The following SDK1 variants were observed in gnomAD, a reference collection of about 807,000 sequenced individuals.
The protein encoded by SDK1 is sidekick cell adhesion molecule 1, also known as protein sidekick-1.
A neutral mutation model predicts 245.5 loss-of-function variants in SDK1; 157 were observed. The ratio of observed to expected loss-of-function variants is 0.64; its 90% CI spans 0.56 to 0.73. The LOEUF is 0.73. SDK1 is among the 30% of genes least tolerant of loss of function. SDK1 has a pLI of 0.00. For synonymous variants in SDK1, 1,647 were observed against 1,278.5 expected (o/e 1.29, Z -6.15); for missense variants, 3,583 against 3,002.3 (o/e 1.19, Z -4.52).
At chr7:4,234,699 CT>C (rs1025170821) in intron 41 of SDK1, among the ~76,000 whole-genome samples, 2 of 152,198 alleles carry the variant, frequency 1.3e-5, no homozygotes, top group Non-Finnish European at 2.9e-5. Context: ...TCGCTGGCCC[CT>C]CACCCCAGAC....
chr7:4,114,358 T>C, intron 25 of SDK1, 84 bp downstream of exon 25: 1 of 1,093,108 alleles, frequency 9.1e-7, no homozygotes, highest in Non-Finnish European at 1.3e-6. Flanking sequence ...CCCAGGCTAG[T>C]GGCGTCTCAT....
chr7:3,412,568 GC>G, intron 1 of SDK1, among the ~76,000 whole-genome samples: 1 of 152,206 alleles, frequency 6.6e-6, no homozygotes, highest in East Asian at 1.9e-4. Context: ...GCAGAGTGCT[GC>G]AAAGTGAGCA....
At chr7:3,576,516 G>C (rs890322892) in intron 1 of SDK1, among the ~76,000 whole-genome samples, 5 of 152,084 alleles carry the variant, frequency 3.3e-5, no homozygotes, top group African/African-American at 7.2e-5. Context: ...TTTGCCTTTT[G>C]AGGAACTGAT....
At chr7:3,391,725 T>C (rs1781761482) in intron 1 of SDK1, among the ~76,000 whole-genome samples, 1 of 150,596 alleles carries the variant, frequency 6.6e-6, no homozygotes, top group South Asian at 2.1e-4. Flanking sequence ...CAACCTCCGC[T>C]TGCCAGGTTT....
At chr7:3,374,024 G>T (rs771235134) in intron 1 of SDK1, among the ~76,000 whole-genome samples, 1 of 152,110 alleles carries the variant, frequency 6.6e-6, no homozygotes, top group African/African-American at 2.4e-5. Flanking sequence ...AAAATGCCAT[G>T]TTTCTTTGCT....
At chr7:3,721,956 C>T (rs1270015989) in intron 4 of SDK1, among the ~76,000 whole-genome samples, 1 of 152,138 alleles carries the variant, frequency 6.6e-6, no homozygotes, top group Non-Finnish European at 1.5e-5. Context: ...CCTTTCCTTT[C>T]TGACAAAGTC....
intron 30 of SDK1, among the ~76,000 whole-genome samples, chr7:4,151,455 G>A (rs901568837): frequency 1.6e-4 from 25 of 152,180 alleles, no homozygotes; most frequent in African/African-American, 5.8e-4. Flanking sequence ...GTATGCTGGC[G>A]GGTTGGAATT....
chr7:3,620,622 G>T (rs1271350495), intron 2 of SDK1, among the ~76,000 whole-genome samples: 1 of 152,078 alleles, frequency 6.6e-6, no homozygotes, highest in Non-Finnish European at 1.5e-5. Flanking sequence ...GCCAACATTT[G>T]ACAGTTCTAA....
At position 3,908,236 on chromosome 7, in the gene SDK1, G is replaced by C. The variant is rs143965466; in HGVS notation, c.848-42687G>C. Among the ~76,000 whole-genome samples the C allele has an allele frequency of 6.6e-5, 10 of 152,288 alleles. No individual in the cohort carries two copies. The East Asian group carries it at 1.2e-3, about 18-fold the overall frequency. On this transcript the variant is annotated intron_variant, in intron 5 of 44. Coordinates refer to ENST00000404826, the MANE Select transcript of SDK1 (RefSeq NM_152744.4). The stretch of plus-strand genomic sequence containing the variant: ...GCGCCTTGTGTCCCGCTCACTTTGC[G>C]CGTTGGGCTGCAAACAGTGAACACT...
At chr7:4,150,265 G>A (rs951421319) in intron 30 of SDK1, among the ~76,000 whole-genome samples, 8 of 152,152 alleles carry the variant, frequency 5.3e-5, no homozygotes, top group East Asian at 1.9e-4. Flanking sequence ...CGGGACACCC[G>A]CCTTGTGCTT....
intron 7 of SDK1, among the ~76,000 whole-genome samples, chr7:3,953,928 G>A (rs997294740): frequency 3.9e-5 from 6 of 152,128 alleles, no homozygotes; most frequent in Admixed American, 2.6e-4. Flanking sequence ...TGTCAATTCC[G>A]AGGGATTTGG....
chr7:3,379,129 C>T (rs536927834), intron 1 of SDK1, among the ~76,000 whole-genome samples: 27 of 152,264 alleles, frequency 1.8e-4, no homozygotes, highest in Admixed American at 1.6e-3. Context: ...TTTAGATTTG[C>T]CATCATTGGT....
At chr7:3,540,452 A>C (rs1321475484) in intron 1 of SDK1, among the ~76,000 whole-genome samples, 1 of 152,204 alleles carries the variant, frequency 6.6e-6, no homozygotes, top group Non-Finnish European at 1.5e-5. Flanking sequence ...ACCTTCATTT[A>C]AGGGGCAAGT....
At chr7:3,708,099 A>G (rs371840938) in intron 4 of SDK1, among the ~76,000 whole-genome samples, 2 of 152,318 alleles carry the variant, frequency 1.3e-5, no homozygotes, top group East Asian at 3.9e-4. Context: ...ACTTACAGTC[A>G]TGGCAGAAGG....
rs535639804 is a variant in SDK1, at chr7:4,020,679, C to G, written c.2602+3327C>G. On this transcript the variant is annotated intron_variant, in intron 17 of 44. Transcript: ENST00000404826. ...CGCAGTGAGCGTGACGTTTCACACA[C>G]ACGTGTATATTCACACATCTTTCTG... 2.0e-5 allele frequency among the ~76,000 whole-genome samples: 3 copies of G among 152,346 alleles called. No homozygotes were observed. The South Asian group carries it at 6.2e-4, about 32-fold the overall frequency.
chr7:4,054,976 T>C lies in SDK1; in HGVS notation c.2911+3146T>C, dbSNP rs1361630675. Among the ~76,000 whole-genome samples, 3 of 152,334 alleles carry C rather than the reference T, an allele frequency of 2.0e-5. No homozygotes were observed. In the East Asian group the frequency reaches 5.8e-4, roughly 29 times the overall value. ...TGGTCACAGTGTATAATTCTTTTCA[T>C]ATGCTGTTGGATTGACTTTGCTAGC... On this transcript the variant is annotated intron_variant, in intron 19 of 44. Coordinates refer to ENST00000404826, the MANE Select transcript of SDK1 (RefSeq NM_152744.4).
intron 4 of SDK1, among the ~76,000 whole-genome samples, chr7:3,737,721 A>C (rs1244993504): frequency 2.0e-5 from 3 of 152,088 alleles, no homozygotes; most frequent in Admixed American, 2.0e-4. Context: ...TTATTTTCCC[A>C]GTGTTCCTGT....
intron 17 of SDK1, among the ~76,000 whole-genome samples, chr7:4,044,866 G>A (rs1788905608): frequency 1.3e-5 from 2 of 152,100 alleles, no homozygotes; most frequent in Non-Finnish European, 2.9e-5. Flanking sequence ...ACATTCACCA[G>A]CGTGACGGAG....
At chr7:3,654,831 A>G (rs1247211800) in intron 4 of SDK1, among the ~76,000 whole-genome samples, 2 of 152,214 alleles carry the variant, frequency 1.3e-5, no homozygotes, top group African/African-American at 4.8e-5. Context: ...TTTCACTGGA[A>G]ATAAAATACT....
Sources: allele counts gnomAD v4.1 joint callset (sites outside exome capture counted in the v4.1 genomes callset), GRCh38; gene constraint gnomAD v4.1.1; transcripts MANE v1.5; gene names NCBI Gene and HGNC (gene_info 2026-07-23, HGNC 2026-07-21).